WDR64: variants seen among roughly 807,000 people sequenced by gnomAD.
WDR64 encodes the protein WD repeat-containing protein 64.
A neutral mutation model predicts 139.3 loss-of-function variants in WDR64; 112 were observed. The ratio of observed to expected loss-of-function variants is 0.80; its 90% CI spans 0.69 to 0.94. The LOEUF (loss-of-function observed/expected upper bound fraction) is 0.94, where lower values mean the gene tolerates loss of function less well. Ranked by LOEUF, WDR64 falls within the 40% of genes least tolerant of loss-of-function variation. WDR64 has a pLI of 0.00. For missense variants in WDR64, 1,206 were observed against 1,293.1 expected (o/e 0.93, Z 1.03); for synonymous variants, 444 against 437.7 (o/e 1.01, Z -0.18).
In WDR64 at chr1:241,802,183, G is replaced by A; in HGVS notation, c.*968G>A. On this transcript the variant is annotated 3_prime_UTR_variant, in exon 28 of 28. Transcript: ENST00000437684. Reference sequence around the variant, plus strand: ...ACAGAAGAATGACTAAACAAACTATGGTAGGGTAGGACAATGGAATCCTCA... The same window carrying A: ...ACAGAAGAATGACTAAACAAACTATAGTAGGGTAGGACAATGGAATCCTCA... 5.0e-6 allele frequency: 2 copies of A among 398,046 alleles called. No homozygotes were observed. The highest frequency in any genetic ancestry group is 8.8e-5 in the Admixed American group (2 of 22,692). 24.7% of individuals were successfully genotyped at this position (398,046 alleles called of 1,614,324 possible). A position where few individuals can be genotyped will look rare whatever the true frequency, so the allele number is the denominator to read the frequency against.
At chr1:241,782,387 C>T (rs541722073) in intron 22 of WDR64, among the ~76,000 whole-genome samples, 8 of 152,230 alleles carry the variant, frequency 5.3e-5, no homozygotes, top group Non-Finnish European at 1.0e-4. Context: ...GGCGGAATTG[C>T]GCCTACCCTT....
chr1:241,796,492 C>CTTTTTTTTTTTTTTTTTTT (rs5782206), intron 27 of WDR64, 122 bp downstream of exon 27: 1 of 484,726 alleles, frequency 2.1e-6, no homozygotes, highest in Non-Finnish European at 3.4e-6. Flanking sequence ...TCAGTTCATA[C>CTTTTTTTTTTTTTTTTTTT]TTTTTTTTTT....
At chr1:241,763,996 A>G (rs1658035284) in intron 15 of WDR64, among the ~76,000 whole-genome samples, 1 of 152,156 alleles carries the variant, frequency 6.6e-6, no homozygotes, top group Non-Finnish European at 1.5e-5. Context: ...CAGTTTCTAG[A>G]GGATAGTGAA....
intron 13 of WDR64, among the ~76,000 whole-genome samples, chr1:241,746,897 C>T (rs1182388039): frequency 1.3e-5 from 2 of 151,896 alleles, no homozygotes; most frequent in African/African-American, 4.8e-5. Context: ...GTAGCTGGGA[C>T]TACAGATGCC....
chr1:241,754,143 C>G (rs1008341793), intron 14 of WDR64, among the ~76,000 whole-genome samples: 1 of 151,946 alleles, frequency 6.6e-6, no homozygotes, highest in Non-Finnish European at 1.5e-5. Flanking sequence ...GTTCAACTCA[C>G]AACACTCAGG....
chr1:241,760,558 T>C (rs1345197149), intron 15 of WDR64, among the ~76,000 whole-genome samples: 7 of 150,766 alleles, frequency 4.6e-5, no homozygotes, highest in Non-Finnish European at 1.0e-4. Flanking sequence ...TAATATCTAA[T>C]ATACAGCAAA....
chr1:241,681,146 G>C (rs923081343), intron 6 of WDR64, among the ~76,000 whole-genome samples: 1 of 151,680 alleles, frequency 6.6e-6, no homozygotes, highest in Non-Finnish European at 1.5e-5. Context: ...CATAGGTTTG[G>C]GGGGAACAGG....
intron 25 of WDR64, among the ~76,000 whole-genome samples, chr1:241,794,882 T>TC (rs34533173): frequency 1.2e-4 from 18 of 152,300 alleles, no homozygotes; most frequent in Admixed American, 5.2e-4. Context: ...AAAATGCCTT[T>TC]CCCTTAGGAC....
At position 241,687,452 on chromosome 1, in the gene WDR64, A is replaced by C; in HGVS notation, c.840-9A>C. 1 of 1,613,342 alleles carries C rather than the reference A, an allele frequency of 6.2e-7. No homozygotes were observed. The highest frequency in any genetic ancestry group is 8.5e-7 in the Non-Finnish European group (1 of 1,179,770). On this transcript the variant is annotated splice_polypyrimidine_tract_variant and intron_variant, in intron 7 of 27. Coordinates refer to ENST00000437684, the MANE Select transcript of WDR64 (RefSeq NM_001367482.1). ...ACATAAATCTCCCCTGCCTTTTCTTAATCCCCAGTGTTAAAAGGAAGCTAC... is the reference window on the plus strand; with the variant it reads ...ACATAAATCTCCCCTGCCTTTTCTTCATCCCCAGTGTTAAAAGGAAGCTAC...
rs551649263 is a variant in WDR64, at chr1:241,766,749, A to G, written c.2081+398A>G. On this transcript the variant is annotated intron_variant, in intron 16 of 27. Coordinates refer to ENST00000437684, the MANE Select transcript of WDR64 (RefSeq NM_001367482.1). Reference sequence around the variant, plus strand: ...CAGGGGACAAAAAAGCAATACATAAAAATGGTGATAACTTTCAAGGCAGGC... The same window carrying G: ...CAGGGGACAAAAAAGCAATACATAAGAATGGTGATAACTTTCAAGGCAGGC... Among the ~76,000 whole-genome samples the G allele has an allele frequency of 7.2e-4, 110 of 151,944 alleles. 1 individual carries two copies. The highest frequency in any genetic ancestry group is 1.0e-3 in the Non-Finnish European group (71 of 67,924).
intron 1 of WDR64, among the ~76,000 whole-genome samples, chr1:241,654,784 A>G (rs1192962549): frequency 6.6e-6 from 1 of 152,232 alleles, no homozygotes; most frequent in African/African-American, 2.4e-5. Flanking sequence ...TTGCTTTCTG[A>G]TGATTCAATG....
intron 10 of WDR64, among the ~76,000 whole-genome samples, chr1:241,730,639 CTG>C (rs1669041186): frequency 2.0e-5 from 3 of 152,154 alleles, no homozygotes; most frequent in African/African-American, 4.8e-5. Flanking sequence ...GGCTGGTAAA[CTG>C]TGTCTCAGGG....
chr1:241,719,400 G>T (rs1363598406), intron 9 of WDR64, among the ~76,000 whole-genome samples: 1 of 152,128 alleles, frequency 6.6e-6, no homozygotes, highest in Non-Finnish European at 1.5e-5. Context: ...AGGATGATGG[G>T]GATGAAGGAG....
At chr1:241,725,185 G>A (rs1280275530) in intron 10 of WDR64, among the ~76,000 whole-genome samples, 1 of 152,130 alleles carries the variant, frequency 6.6e-6, no homozygotes, top group Non-Finnish European at 1.5e-5. Context: ...CTGCTGGGTG[G>A]AAATAAAACT....
chr1:241,742,741 C>CTTGAA (rs1313670320), intron 12 of WDR64, among the ~76,000 whole-genome samples: 1 of 152,118 alleles, frequency 6.6e-6, no homozygotes, highest in African/African-American at 2.4e-5. Context: ...GTGGACTTGC[C>CTTGAA]TTGAATTCTT....
chr1:241,722,005 C>T (rs7519667), intron 9 of WDR64, among the ~76,000 whole-genome samples: 117,503 of 151,960 alleles, frequency 0.77, 45,749 homozygotes, highest in Non-Finnish European at 0.82. Flanking sequence ...GGTGAAAATG[C>T]AGCCAGTTTT....
chr1:241,723,527 T>C, intron 10 of WDR64, 91 bp downstream of exon 10: 2 of 1,364,640 alleles, frequency 1.5e-6, no homozygotes, highest in Middle Eastern at 2.1e-4. Flanking sequence ...TTGACTGAAA[T>C]AAATGATAGT....
intron 25 of WDR64, among the ~76,000 whole-genome samples, chr1:241,791,587 C>T (rs1659216003): frequency 6.6e-6 from 1 of 151,896 alleles, no homozygotes; most frequent in Admixed American, 6.6e-5. Context: ...TGGGAGGACC[C>T]CTTGAGCCCA....
rs954333666 is a variant in WDR64 at position 241,790,538 on chromosome 1, G to A, written c.2892-53G>A. The A allele has an allele frequency of 1.6e-5, 23 of 1,431,912 alleles. No homozygotes were observed. In the African/African-American group the frequency reaches 3.3e-4, roughly 21 times the overall value. 88.7% of individuals were successfully genotyped at this position (1,431,912 alleles called of 1,614,324 possible). On this transcript the variant is annotated intron_variant, in intron 24 of 27. Coordinates refer to ENST00000437684, the MANE Select transcript of WDR64 (RefSeq NM_001367482.1). The stretch of plus-strand genomic sequence containing the variant: ...GGACATAATGGATCTTTGTTTAGTT[G>A]GCAGAGAATAAAAGGTATGGGTATG...
Sources: gnomAD v4.1 joint callset for allele counts (sites outside exome capture counted in the v4.1 genomes callset) on GRCh38, gnomAD v4.1.1 for gene constraint, MANE v1.5 for transcripts, NCBI Gene and HGNC (gene_info 2026-07-23, HGNC 2026-07-21) for gene names.